Variants in CNTNAP2 observed in about 807,000 individuals in gnomAD.
The protein encoded by CNTNAP2 is contactin-associated protein-like 2.
Under a neutral mutation model 155.2 loss-of-function variants are expected in CNTNAP2, and 98 were observed. The observed-to-expected ratio is 0.63, with a 90% CI of 0.54 to 0.75. CNTNAP2 has a LOEUF of 0.75. Ranked by LOEUF, CNTNAP2 falls within the 30% of genes least tolerant of loss-of-function variation. The pLI, the probability that CNTNAP2 is intolerant of heterozygous loss-of-function variation, is 0.00. For missense variants in CNTNAP2, 1,727 were observed against 1,688.1 expected, an observed-to-expected ratio of 1.02 and a Z score of -0.40; for synonymous variants, 651 against 631.2, an observed-to-expected ratio of 1.03 and a Z score of -0.47.
chr7:147,492,572 A>G (rs1244740085), intron 11 of CNTNAP2, among the ~76,000 whole-genome samples: 1 of 152,200 alleles, frequency 6.6e-6, no homozygotes, highest in African/African-American at 2.4e-5. Context: ...GGAGAGGGGA[A>G]AACACTCAGG....
At chr7:148,128,098 G>T (rs1209351289) in intron 16 of CNTNAP2, among the ~76,000 whole-genome samples, 1 of 152,090 alleles carries the variant, frequency 6.6e-6, no homozygotes, top group Non-Finnish European at 1.5e-5. Context: ...TTGAAACCTG[G>T]ACTCAAGCGA....
intron 18 of CNTNAP2, among the ~76,000 whole-genome samples, chr7:148,210,716 G>A (rs1795532695): frequency 6.6e-6 from 1 of 152,168 alleles, no homozygotes; most frequent in South Asian, 2.1e-4. Flanking sequence ...GCAGGAAATT[G>A]GTTACAATAG....
Position 147,357,416 on chromosome 7 carries a change from C to T in CNTNAP2, c.1499-38193C>T, listed in dbSNP as rs1208868378. Among the ~76,000 whole-genome samples the T allele has an allele frequency of 4.6e-5, 7 of 152,204 alleles. No homozygotes were observed. In the East Asian group the frequency reaches 1.4e-3, roughly 30 times the overall value. On this transcript the variant is annotated intron_variant, in intron 9 of 23. Transcript: ENST00000361727. ...AAGCATTTTCCTTACTTAATAGAAG[C>T]TGTTGCTCCTCTTCATGGGAAGTCT...
chr7:148,275,427 A>G (rs1276337504), intron 21 of CNTNAP2, among the ~76,000 whole-genome samples: 1 of 152,194 alleles, frequency 6.6e-6, no homozygotes, highest in Admixed American at 6.5e-5. Flanking sequence ...CAATGGGCTG[A>G]AGTAGAGGCC....
At chr7:147,195,431 A>G (rs762030803) in intron 8 of CNTNAP2, among the ~76,000 whole-genome samples, 3 of 152,134 alleles carry the variant, frequency 2.0e-5, no homozygotes, top group Non-Finnish European at 4.4e-5. Flanking sequence ...TATGAAATTT[A>G]AAATAGTTTT....
Position 146,812,834 on chromosome 7 carries a change from G to T in CNTNAP2, c.209-26877G>T, listed in dbSNP as rs960111565. On this transcript the variant is annotated intron_variant, in intron 2 of 23. Coordinates refer to ENST00000361727, the MANE Select transcript of CNTNAP2 (RefSeq NM_014141.6). ...ATATTGTTTCCTGGACTGGACCCAG[G>T]GTCCCCCTGCTCTGTGCAGCCTCGG... is the stretch of plus-strand genomic sequence containing the variant. Among the ~76,000 whole-genome samples, 17 of 152,270 alleles carry T rather than the reference G, an allele frequency of 1.1e-4. No individual in the cohort carries two copies. In the East Asian group the frequency reaches 3.1e-3, roughly 28 times the overall value.
At chr7:146,730,302 C>G (rs985965616) in intron 1 of CNTNAP2, among the ~76,000 whole-genome samples, 1 of 152,134 alleles carries the variant, frequency 6.6e-6, no homozygotes, top group African/African-American at 2.4e-5. Flanking sequence ...CATTTAATAT[C>G]ACATTAACTT....
intron 1 of CNTNAP2, among the ~76,000 whole-genome samples, chr7:146,184,672 A>G (rs1798597679): frequency 6.6e-6 from 1 of 152,222 alleles, no homozygotes; most frequent in Non-Finnish European, 1.5e-5. Context: ...TACTTCATGA[A>G]GGATGGTTGG....
chr7:147,736,647 TTTCAGGTACACCAA>T (rs1198601320), intron 13 of CNTNAP2, among the ~76,000 whole-genome samples: 1 of 152,222 alleles, frequency 6.6e-6, no homozygotes, highest in Admixed American at 6.5e-5. Context: ...TTCCCGTCAC[TTTCAGGTACACCAA>T]TCAGACGTAG....
At chr7:146,349,405 A>G (rs1424069856) in intron 1 of CNTNAP2, among the ~76,000 whole-genome samples, 1 of 152,204 alleles carries the variant, frequency 6.6e-6, no homozygotes, top group Non-Finnish European at 1.5e-5. Context: ...TGAGCTACTT[A>G]TGGCATAATG....
intron 13 of CNTNAP2, among the ~76,000 whole-genome samples, chr7:147,889,228 A>G (rs1004348978): frequency 1.3e-4 from 20 of 152,108 alleles, no homozygotes; most frequent in African/African-American, 4.8e-4. Context: ...AAATACTTAA[A>G]CATTAGTAAC....
intron 1 of CNTNAP2, among the ~76,000 whole-genome samples, chr7:146,192,545 T>G (rs1013887695): frequency 1.3e-5 from 2 of 152,150 alleles, no homozygotes; most frequent in African/African-American, 2.4e-5. Context: ...AGGAATCCTC[T>G]AACACCATCG....
At chr7:147,147,686 G>C (rs1310226453) in intron 8 of CNTNAP2, among the ~76,000 whole-genome samples, 1 of 152,020 alleles carries the variant, frequency 6.6e-6, no homozygotes, top group Non-Finnish European at 1.5e-5. Flanking sequence ...TCTATTACCA[G>C]CTCCCAAGTG....
At chr7:147,257,728 A>C (rs1804364761) in intron 8 of CNTNAP2, among the ~76,000 whole-genome samples, 1 of 152,222 alleles carries the variant, frequency 6.6e-6, no homozygotes. Flanking sequence ...GTGTGAAGGA[A>C]GTTAAGGATC....
intron 13 of CNTNAP2, among the ~76,000 whole-genome samples, chr7:147,647,109 T>C (rs1330592537): frequency 1.3e-5 from 2 of 151,656 alleles, no homozygotes; most frequent in African/African-American, 4.8e-5. Context: ...TGCCTCAGCC[T>C]CCTGAGTAGC....
At chr7:146,198,545 A>G (rs568432123) in intron 1 of CNTNAP2, among the ~76,000 whole-genome samples, 2 of 152,280 alleles carry the variant, frequency 1.3e-5, no homozygotes, top group African/African-American at 2.4e-5. Flanking sequence ...ACGTATTTAA[A>G]TTTATGTTCC....
chr7:146,587,184 C>A (rs1470876573), intron 1 of CNTNAP2, among the ~76,000 whole-genome samples: 2 of 152,094 alleles, frequency 1.3e-5, no homozygotes, highest in Admixed American at 6.6e-5. Context: ...GATGATATTG[C>A]CAGGCCGTTC....
chr7:147,455,070 C>T (rs1179755385), intron 10 of CNTNAP2, among the ~76,000 whole-genome samples: 1 of 152,054 alleles, frequency 6.6e-6, no homozygotes, highest in African/African-American at 2.4e-5. Flanking sequence ...GAAATGCTTC[C>T]CCGTCTTCAA....
At chr7:147,768,871 G>GTT (rs11423657) in intron 13 of CNTNAP2, among the ~76,000 whole-genome samples, 2 of 151,444 alleles carry the variant, frequency 1.3e-5, no homozygotes, top group African/African-American at 4.9e-5. Context: ...TTAGCAAATA[G>GTT]CTTTGCTAAA....
Sources: allele counts gnomAD v4.1 joint callset (sites outside exome capture counted in the v4.1 genomes callset), GRCh38; gene constraint gnomAD v4.1.1; transcripts MANE v1.5; gene names NCBI Gene and HGNC (gene_info 2026-07-23, HGNC 2026-07-21).